Variants in PPP1R14D observed in about 807,000 individuals in gnomAD.
The protein encoded by PPP1R14D is protein phosphatase 1 regulatory subunit 14D.
PPP1R14D carries 14 observed loss-of-function variants against 17.1 expected under a neutral mutation model. The ratio of observed to expected loss-of-function variants is 0.82; its 90% CI spans 0.54 to 1.28. PPP1R14D has a LOEUF of 1.28. PPP1R14D is among the 50% of genes most tolerant of loss of function. The probability of loss-of-function intolerance (pLI) is 0.00; values close to 1 mark genes in which losing one functional copy is unlikely to be tolerated. For synonymous variants in PPP1R14D, 67 were observed against 66.1 expected, an observed-to-expected ratio of 1.01 and a Z score of -0.06; for missense variants, 173 against 179.2, an observed-to-expected ratio of 0.97 and a Z score of 0.20.
chr15:40,824,559 G>A (rs966751562), intron 1 of PPP1R14D, among the ~76,000 whole-genome samples: 2 of 151,710 alleles, frequency 1.3e-5, no homozygotes, highest in African/African-American at 4.8e-5. Flanking sequence ...TTTTTGGACA[G>A]GGTTTCACCA....
chr15:40,823,269 C>T (rs1199321749), intron 1 of PPP1R14D, among the ~76,000 whole-genome samples: 1 of 151,598 alleles, frequency 6.6e-6, no homozygotes, highest in African/African-American at 2.4e-5. Flanking sequence ...TGGCCCCTGG[C>T]TAATTTTTAA....
chr15:40,815,941 C>T (rs894635682), intron 3 of PPP1R14D, 21 bp downstream of exon 3: 37 of 1,613,796 alleles, frequency 2.3e-5, no homozygotes, highest in Middle Eastern at 1.6e-4. Flanking sequence ...TACCCCAGAC[C>T]AGCAGAAGAA....
At chr15:40,824,021 T>C (rs1469178242) in intron 1 of PPP1R14D, among the ~76,000 whole-genome samples, 1 of 148,468 alleles carries the variant, frequency 6.7e-6, no homozygotes, top group African/African-American at 2.5e-5. Context: ...AAAGGACTAC[T>C]ACGGCAACCT....
chr15:40,816,818 T>A lies in PPP1R14D; in HGVS notation c.256-565A>T, dbSNP rs150705244. Among the ~76,000 whole-genome samples, 140 of 152,244 alleles carry A rather than the reference T, an allele frequency of 9.2e-4. No individual in the cohort carries two copies. The East Asian group carries it at 0.017, about 19-fold the overall frequency. On this transcript the variant is annotated intron_variant, in intron 1 of 3. Transcript: ENST00000299174. ...CAGGCACAGTGGCTCACTCCTGTAATCCCAGCACTTTGGGAGGCTGAGGTG... is the reference window on the plus strand; with the variant it reads ...CAGGCACAGTGGCTCACTCCTGTAAACCCAGCACTTTGGGAGGCTGAGGTG...
intron 1 of PPP1R14D, among the ~76,000 whole-genome samples, chr15:40,820,765 G>C (rs1235399808): frequency 6.6e-6 from 1 of 151,910 alleles, no homozygotes; most frequent in African/African-American, 2.4e-5. Context: ...GGAGGCTGAG[G>C]CAGCAGAATG....
intron 1 of PPP1R14D, 88 bp downstream of exon 1, chr15:40,828,299 C>T: frequency 6.8e-7 from 1 of 1,478,784 alleles, no homozygotes; most frequent in Non-Finnish European, 9.0e-7. Context: ...AAGCACCTCA[C>T]ATCAGCCCTC....
chr15:40,828,592 T>TC lies in PPP1R14D; in HGVS notation c.49dup (p.Glu17GlyfsTer5). ...CCAGTGGACCTTCTTACATGGGTTC[T>TC]CCCCATCTGGGCTGGGAGATGTGCA... On this transcript the variant is annotated frameshift_variant, in exon 1 of 4. Transcript: ENST00000299174. LOFTEE classifies it high-confidence loss of function. 1 of 1,614,126 alleles carries TC rather than the reference T, an allele frequency of 6.2e-7. No homozygotes were observed. Among genetic ancestry groups the TC allele is most frequent in the Non-Finnish European group, 8.5e-7 (1 of 1,179,984 alleles).
chr15:40,824,332 A>G (rs1890834622), intron 1 of PPP1R14D, among the ~76,000 whole-genome samples: 1 of 151,920 alleles, frequency 6.6e-6, no homozygotes, highest in African/African-American at 2.4e-5. Flanking sequence ...GAGGCAATCA[A>G]GTTAAACACA....
At position 40,815,599 on chromosome 15, in the gene PPP1R14D, T is replaced by A. The variant is rs994274355; in HGVS notation, c.*97A>T. 7.0e-7 allele frequency: 1 copy of A among 1,424,200 alleles called. No homozygotes were observed. The highest frequency in any genetic ancestry group is 9.6e-7 in the Non-Finnish European group (1 of 1,040,846). 88.2% of individuals were successfully genotyped at this position (1,424,200 alleles called of 1,614,324 possible). ...AATGTCCCTCCTTGTCCACATTTCTTGTTTGTGTCCCAAGGAGCTATTTCC... is the reference window on the plus strand; with the variant it reads ...AATGTCCCTCCTTGTCCACATTTCTAGTTTGTGTCCCAAGGAGCTATTTCC... On this transcript the variant is annotated 3_prime_UTR_variant, in exon 4 of 4. Transcript: ENST00000299174.
chr15:40,828,650 T>C lies in PPP1R14D; in HGVS notation c.-9A>G, dbSNP rs746348063. 2 of 1,600,362 alleles carry C rather than the reference T, an allele frequency of 1.2e-6. No homozygotes were observed. Among genetic ancestry groups the C allele is most frequent in the African/African-American group, 2.7e-5 (2 of 74,654 alleles). On this transcript the variant is annotated 5_prime_UTR_variant, in exon 1 of 4. Transcript: ENST00000299174. ...GGGCTTGAAGACAGCATGGAAGTAT[T>C]GGTCTGGGCAAGGAGCTGGGAAAAA...
chr15:40,818,641 A>G (rs1364414871), intron 1 of PPP1R14D, among the ~76,000 whole-genome samples: 2 of 152,228 alleles, frequency 1.3e-5, no homozygotes, highest in Admixed American at 6.5e-5. Context: ...TGATCCCAAC[A>G]GTAAGACCTG....
intron 1 of PPP1R14D, among the ~76,000 whole-genome samples, chr15:40,818,827 A>G (rs1890722239): frequency 6.6e-6 from 1 of 152,164 alleles, no homozygotes; most frequent in East Asian, 1.9e-4. Context: ...CAACACCAAC[A>G]GTGAAGCCCA....
At chr15:40,823,769 A>T (rs1191429458) in intron 1 of PPP1R14D, among the ~76,000 whole-genome samples, 1 of 152,128 alleles carries the variant, frequency 6.6e-6, no homozygotes, top group African/African-American at 2.4e-5. Flanking sequence ...ATGTTTGCAC[A>T]ATGATGAAAT....
intron 2 of PPP1R14D, 31 bp from the exon 3 acceptor site, chr15:40,816,025 A>C: frequency 1.2e-6 from 2 of 1,613,480 alleles, no homozygotes; most frequent in Non-Finnish European, 1.7e-6. Flanking sequence ...ACAGGGCCCC[A>C]AGTCACAGCA....
intron 1 of PPP1R14D, among the ~76,000 whole-genome samples, chr15:40,821,089 G>T (rs1250036951): frequency 6.6e-6 from 1 of 151,814 alleles, no homozygotes; most frequent in Admixed American, 6.6e-5. Context: ...TGTAATCCTA[G>T]CACTTCGGAG....
chr15:40,819,518 C>A (rs1056902410), intron 1 of PPP1R14D, among the ~76,000 whole-genome samples: 1 of 142,156 alleles, frequency 7.0e-6, no homozygotes, highest in Admixed American at 7.2e-5. Context: ...GCCTGGGCGA[C>A]AAAGCAAGAC....
intron 1 of PPP1R14D, among the ~76,000 whole-genome samples, chr15:40,824,454 T>C (rs1056960470): frequency 6.6e-6 from 1 of 152,004 alleles, no homozygotes; most frequent in Non-Finnish European, 1.5e-5. Context: ...TACTGCAGCC[T>C]TGACCTCCCA....
In PPP1R14D at chr15:40,826,747, C is replaced by T. The variant is rs144271797; in HGVS notation, c.255+1640G>A. 4.2e-4 allele frequency among the ~76,000 whole-genome samples: 64 copies of T among 152,224 alleles called. 1 individual carries two copies. The South Asian group carries it at 0.012, about 30-fold the overall frequency. On this transcript the variant is annotated intron_variant, in intron 1 of 3. Coordinates refer to ENST00000299174, the MANE Select transcript of PPP1R14D (RefSeq NM_017726.8). Reference sequence around the variant, plus strand: ...TTTTGAGAAGCCAAGATTGGAGGATCGTTCGAGCCCAGGAGTTCAAGACCA... The same window carrying T: ...TTTTGAGAAGCCAAGATTGGAGGATTGTTCGAGCCCAGGAGTTCAAGACCA...
intron 1 of PPP1R14D, among the ~76,000 whole-genome samples, chr15:40,823,050 T>A (rs2141988274): frequency 6.7e-6 from 1 of 150,222 alleles, no homozygotes; most frequent in South Asian, 2.1e-4. Context: ...CTGCAACCTC[T>A]GTCTCCTGGG....
Sources: allele counts gnomAD v4.1 joint callset (sites outside exome capture counted in the v4.1 genomes callset), GRCh38; gene constraint gnomAD v4.1.1; transcripts MANE v1.5; gene names NCBI Gene and HGNC (gene_info 2026-07-23, HGNC 2026-07-21).